The following ZC2HC1B variants were observed in gnomAD, a reference collection of about 807,000 sequenced individuals.
The protein encoded by ZC2HC1B is zinc finger C2HC domain-containing protein 1B.
A neutral mutation model predicts 31.0 loss-of-function variants in ZC2HC1B; 36 were observed. The observed-to-expected ratio is 1.16, with a 90% CI of 0.89 to 1.54. The LOEUF (loss-of-function observed/expected upper bound fraction) is 1.54, where lower values mean the gene tolerates loss of function less well. Among genes scored for constraint, ZC2HC1B ranks in the 40% most tolerant of loss-of-function variants. ZC2HC1B has a pLI of 0.00. For synonymous variants in ZC2HC1B, 73 were observed against 88.0 expected, an observed-to-expected ratio of 0.83 and a Z score of 0.95; for missense variants, 260 against 268.6, an observed-to-expected ratio of 0.97 and a Z score of 0.22.
chr6:143,873,977 T>C (rs1160491953), intron 1 of ZC2HC1B, among the ~76,000 whole-genome samples: 1 of 152,230 alleles, frequency 6.6e-6, no homozygotes, highest in African/African-American at 2.4e-5. Flanking sequence ...GGTTTTCCTT[T>C]TCTACTGCAT....
At chr6:143,900,970 C>G (rs1430484276) in intron 5 of ZC2HC1B, among the ~76,000 whole-genome samples, 1 of 151,866 alleles carries the variant, frequency 6.6e-6, no homozygotes, top group Non-Finnish European at 1.5e-5. Flanking sequence ...TCCCAAGTAG[C>G]TGGGATTACA....
At chr6:143,875,523 A>G (rs1179984369) in intron 1 of ZC2HC1B, among the ~76,000 whole-genome samples, 2 of 150,636 alleles carry the variant, frequency 1.3e-5, no homozygotes, top group African/African-American at 4.9e-5. Context: ...GTGTCCCCAA[A>G]TCTATAAATT....
rs556440509 is a variant in ZC2HC1B, at chr6:143,883,229, C to T, written c.29-1075C>T. ...TAATTTTTTATTTTGTGTAGAGACACAATCTCCCTATGTTGCCCAAGCTGG... is the reference window on the plus strand; with the variant it reads ...TAATTTTTTATTTTGTGTAGAGACATAATCTCCCTATGTTGCCCAAGCTGG... On this transcript the variant is annotated intron_variant, in intron 1 of 7. Transcript: ENST00000237275. The surrounding 1 kb of genome is among the most constrained non-coding windows in gnomAD (Gnocchi z 4.1). Among the ~76,000 whole-genome samples, 6 of 152,202 alleles carry T rather than the reference C, an allele frequency of 3.9e-5. No homozygotes were observed. In the South Asian group the frequency reaches 1.2e-3, roughly 32 times the overall value.
chr6:143,920,378 A>G (rs1424217912), intron 6 of ZC2HC1B, among the ~76,000 whole-genome samples: 1 of 152,202 alleles, frequency 6.6e-6, no homozygotes, highest in Admixed American at 6.5e-5. Context: ...CCTTCCTTGA[A>G]CTGATTTATT....
chr6:143,932,022 C>T (rs1778127330), intron 6 of ZC2HC1B, among the ~76,000 whole-genome samples: 1 of 152,048 alleles, frequency 6.6e-6, no homozygotes, highest in Non-Finnish European at 1.5e-5. Context: ...TACAGGTGTG[C>T]ACCACCACAC....
At chr6:143,909,061 G>A (rs1421847307) in intron 6 of ZC2HC1B, among the ~76,000 whole-genome samples, 1 of 152,148 alleles carries the variant, frequency 6.6e-6, no homozygotes, top group Non-Finnish European at 1.5e-5. Flanking sequence ...TTTATGTAAT[G>A]TATCACATTT....
chr6:143,878,750 A>G (rs981131793), intron 1 of ZC2HC1B, among the ~76,000 whole-genome samples: 1 of 152,132 alleles, frequency 6.6e-6, no homozygotes, highest in Non-Finnish European at 1.5e-5. Context: ...ACCTAACCCT[A>G]TATTTCCCCT....
chr6:143,887,042 A>G lies in ZC2HC1B; in HGVS notation c.349+221A>G, dbSNP rs571750188. Among the ~76,000 whole-genome samples, 7 of 152,298 alleles carry G rather than the reference A, an allele frequency of 4.6e-5. No individual in the cohort carries two copies. In the East Asian group the frequency reaches 1.3e-3, roughly 29 times the overall value. The stretch of plus-strand genomic sequence containing the variant: ...AACACCACTGTAGCTGTGCTGTAGT[A>G]TTACATGACTCCAAGAAACACCAGA... On this transcript the variant is annotated intron_variant, in intron 4 of 7. Transcript: ENST00000237275. The surrounding 1 kb of genome is among the most constrained non-coding windows in gnomAD (Gnocchi z 5.1).
chr6:143,932,874 C>A (rs1778138005), intron 6 of ZC2HC1B, among the ~76,000 whole-genome samples: 1 of 152,132 alleles, frequency 6.6e-6, no homozygotes, highest in African/African-American at 2.4e-5. Flanking sequence ...GTACCCTCCC[C>A]CTTTCCCTAG....
intron 6 of ZC2HC1B, among the ~76,000 whole-genome samples, chr6:143,926,413 G>A (rs114144603): frequency 0.019 from 2,849 of 151,146 alleles, 96 homozygotes; most frequent in African/African-American, 0.066. Flanking sequence ...CCATGTATTT[G>A]TATAGTTTCC....
At chr6:143,888,100 C>T (rs1366089223) in intron 4 of ZC2HC1B, among the ~76,000 whole-genome samples, 2 of 151,918 alleles carry the variant, frequency 1.3e-5, no homozygotes, top group Admixed American at 6.6e-5. Context: ...TATAAGTTTC[C>T]AACATCGTTT....
chr6:143,874,610 G>T (rs1263057243), intron 1 of ZC2HC1B, among the ~76,000 whole-genome samples: 2 of 152,148 alleles, frequency 1.3e-5, no homozygotes, highest in African/African-American at 2.4e-5. Context: ...GGCAGCAAGA[G>T]AAAATGAGGA....
At chr6:143,874,529 G>T (rs1211091182) in intron 1 of ZC2HC1B, among the ~76,000 whole-genome samples, 1 of 152,154 alleles carries the variant, frequency 6.6e-6, no homozygotes, top group African/African-American at 2.4e-5. Context: ...GGTATAATTG[G>T]ACTTACAGTA....
At chr6:143,876,099 T>G (rs2128493401) in intron 1 of ZC2HC1B, among the ~76,000 whole-genome samples, 1 of 150,894 alleles carries the variant, frequency 6.6e-6, no homozygotes, top group African/African-American at 2.4e-5. Flanking sequence ...GCCACTTGCA[T>G]GATAAGAGCT....
In ZC2HC1B at chr6:143,872,688, C is replaced by T. The variant is rs868567594; in HGVS notation, c.28+8121C>T. Among the ~76,000 whole-genome samples, 7 of 152,166 alleles carry T rather than the reference C, an allele frequency of 4.6e-5. No individual in the cohort carries two copies. The highest frequency in any genetic ancestry group is 8.8e-5 in the Non-Finnish European group (6 of 68,028). ...GGCAGAAGGCAAAAGGCACTACTTA[C>T]ATGGTGGCAGCAAGAGAAAATGAGG... On this transcript the variant is annotated intron_variant, in intron 1 of 7. Coordinates refer to ENST00000237275, the MANE Select transcript of ZC2HC1B (RefSeq NM_001013623.3). The surrounding 1 kb of genome is among the most constrained non-coding windows in gnomAD (Gnocchi z 5.5).
intron 6 of ZC2HC1B, among the ~76,000 whole-genome samples, chr6:143,935,522 T>C (rs1778166051): frequency 6.6e-6 from 1 of 152,146 alleles, no homozygotes; most frequent in Non-Finnish European, 1.5e-5. Context: ...TCTTTTTTTT[T>C]CTTTTCATTA....
chr6:143,898,964 T>C (rs926405302), intron 5 of ZC2HC1B, among the ~76,000 whole-genome samples: 1 of 152,242 alleles, frequency 6.6e-6, no homozygotes, highest in Non-Finnish European at 1.5e-5. Flanking sequence ...TATAGCATTA[T>C]GGCAAAACTC....
rs975580715 is a variant in ZC2HC1B, at chr6:143,886,522, A to G, written c.211-161A>G. 6.6e-6 allele frequency among the ~76,000 whole-genome samples: 1 copy of G among 152,100 alleles called. No individual in the cohort carries two copies. ...TGTGGCTTGCAAATTATATTACTGT[A>G]CTTTCCAAACCTCTTTAAGGAGTAC... On this transcript the variant is annotated intron_variant, in intron 3 of 7. Transcript: ENST00000237275. The surrounding 1 kb of genome is among the most constrained non-coding windows in gnomAD (Gnocchi z 4.2).
intron 6 of ZC2HC1B, among the ~76,000 whole-genome samples, chr6:143,910,902 A>T (rs1163037911): frequency 1.3e-5 from 2 of 152,030 alleles, no homozygotes; most frequent in Non-Finnish European, 2.9e-5. Flanking sequence ...ACGGGCACCC[A>T]CCACCATGCC....
Sources: gnomAD v4.1 joint callset for allele counts (sites outside exome capture counted in the v4.1 genomes callset) on GRCh38, gnomAD v4.1.1 for gene constraint, Gnocchi (gnomAD v3.1) non-coding constraint, MANE v1.5 for transcripts, NCBI Gene and HGNC (gene_info 2026-07-23, HGNC 2026-07-21) for gene names.